LARGE1: variants seen among roughly 807,000 people sequenced by gnomAD.
LARGE1 encodes LARGE xylosyl- and glucuronyltransferase 1, also known as xylosyl- and glucuronyltransferase LARGE1.
LARGE1 carries 43 observed loss-of-function variants against 87.6 expected under a neutral mutation model. That is an observed-to-expected ratio of 0.49 (90% confidence interval 0.38 to 0.63). The LOEUF (loss-of-function observed/expected upper bound fraction) is 0.63, where lower values mean the gene tolerates loss of function less well. Ranked by LOEUF, LARGE1 falls within the 30% of genes least tolerant of loss-of-function variation. LARGE1 has a pLI of 0.00. For missense variants in LARGE1, 802 were observed against 1,000.2 expected, an observed-to-expected ratio of 0.80 and a Z score of 2.67; for synonymous variants, 434 against 394.6, an observed-to-expected ratio of 1.10 and a Z score of -1.18.
chr22:33,860,865 C>A (rs10854636), intron 1 of LARGE1, among the ~76,000 whole-genome samples: 1 of 152,028 alleles, frequency 6.6e-6, no homozygotes, highest in African/African-American at 2.4e-5. Flanking sequence ...ACGGGGAACA[C>A]CGTGGGCGCA....
At chr22:33,389,670 C>A (rs1028337962) in intron 7 of LARGE1, among the ~76,000 whole-genome samples, 19 of 152,126 alleles carry the variant, frequency 1.2e-4, no homozygotes, top group African/African-American at 4.6e-4. Flanking sequence ...CATGGAGAAA[C>A]CCTGTCTCTA....
the LARGE1 span, among the ~76,000 whole-genome samples, chr22:33,076,718 G>A: frequency 6.6e-6 from 1 of 152,134 alleles, no homozygotes; most frequent in African/African-American, 2.4e-5. Context: ...TTATCCATAT[G>A]TCTATAAACA....
chr22:33,186,935 C>T (rs1249175698), intron 11 of LARGE1, among the ~76,000 whole-genome samples: 2 of 152,046 alleles, frequency 1.3e-5, no homozygotes. Context: ...ATGTTCAAAG[C>T]CATCAGTTCA....
At chr22:33,126,650 A>G in the LARGE1 span, among the ~76,000 whole-genome samples, 43 of 152,348 alleles carry the variant, frequency 2.8e-4, no homozygotes, top group Non-Finnish European at 5.1e-4. Context: ...CAACTTTCAC[A>G]TCTATAAAAT....
intron 1 of LARGE1, among the ~76,000 whole-genome samples, chr22:33,919,335 G>A (rs1022202883): frequency 2.6e-5 from 4 of 152,150 alleles, no homozygotes; most frequent in African/African-American, 9.7e-5. Context: ...ATAACTTGAG[G>A]ATACACAAAC....
At chr22:33,590,138 G>A (rs1419392975) in intron 5 of LARGE1, among the ~76,000 whole-genome samples, 2 of 152,084 alleles carry the variant, frequency 1.3e-5, no homozygotes, top group African/African-American at 4.8e-5. Flanking sequence ...TTTGTTTTGT[G>A]CTTAGTATAT....
intron 6 of LARGE1, among the ~76,000 whole-genome samples, chr22:33,545,859 C>T (rs760980189): frequency 6.6e-6 from 1 of 152,212 alleles, no homozygotes; most frequent in Non-Finnish European, 1.5e-5. Context: ...GCTTGGATTA[C>T]AGGCGTGAGC....
chr22:33,131,356 A>G, the LARGE1 span, among the ~76,000 whole-genome samples: 1 of 151,840 alleles, frequency 6.6e-6, no homozygotes, highest in Non-Finnish European at 1.5e-5. Context: ...TTCCTTTTTT[A>G]ATGGCCCTTT....
Position 33,290,371 on chromosome 22 carries a change from G to A in LARGE1, c.1731-7023C>T, listed in dbSNP as rs78186670. 7.7e-3 allele frequency among the ~76,000 whole-genome samples: 1,178 copies of A among 152,264 alleles called. 16 individuals are homozygous for A. Among genetic ancestry groups the A allele is most frequent in the African/African-American group, 0.027 (1,122 of 41,548 alleles). On this transcript the variant is annotated intron_variant, in intron 12 of 14. Coordinates refer to ENST00000397394, the MANE Select transcript of LARGE1 (RefSeq NM_133642.5). ...TTCACATTCTAGAGGCAGGCTGCTC[G>A]GGTCTGCATCCTGGCTAACTACTTA...
intron 3 of LARGE1, among the ~76,000 whole-genome samples, chr22:33,637,037 C>A (rs758432161): frequency 6.6e-6 from 1 of 152,200 alleles, no homozygotes; most frequent in Non-Finnish European, 1.5e-5. Context: ...CTTCTTCTCT[C>A]ACTCTTTCCT....
intron 1 of LARGE1, among the ~76,000 whole-genome samples, chr22:33,785,372 C>G (rs1177300281): frequency 1.3e-5 from 2 of 152,010 alleles, no homozygotes; most frequent in Non-Finnish European, 2.9e-5. Flanking sequence ...TCAGATGTTA[C>G]ACAACTCATA....
chr22:33,304,380 G>T lies in LARGE1; in HGVS notation c.1579C>A (p.His527Asn). 1.2e-6 allele frequency: 2 copies of T among 1,614,260 alleles called. No homozygotes were observed. Among genetic ancestry groups the T allele is most frequent in the Non-Finnish European group, 1.7e-6 (2 of 1,180,050 alleles). The change falls in exon 12 of 15, where the codon CAC (histidine) becomes AAC (asparagine). Residue 527 changes from histidine to asparagine, a missense_variant. By Grantham distance (68) the His-to-Asn change is moderately conservative. Around this residue, in one of 2 missense-constraint regions of LARGE1, gnomAD observed 625 missense variants for 841.9 expected, o/e 0.74. Coordinates refer to ENST00000397394, the MANE Select transcript of LARGE1 (RefSeq NM_133642.5). The stretch of plus-strand genomic sequence containing the variant: ...TACACGATGTGGTAGCCCACGTTGT[G>T]GCGGCTCATAAGCACCTCAGAGCCC... ...AQGSEVLMSRHNVGYHIVYKE... is the reference protein window; with the variant it reads ...AQGSEVLMSRNNVGYHIVYKE...
intron 1 of LARGE1, among the ~76,000 whole-genome samples, chr22:33,775,862 A>AAC (rs1288309725): frequency 1.3e-5 from 2 of 151,518 alleles, no homozygotes; most frequent in Non-Finnish European, 2.9e-5. Flanking sequence ...AAAAAAAAAA[A>AAC]AAAAAAGACT....
chr22:33,239,443 C>T (rs1926399636), intron 11 of LARGE1, among the ~76,000 whole-genome samples: 1 of 151,808 alleles, frequency 6.6e-6, no homozygotes, highest in Non-Finnish European at 1.5e-5. Flanking sequence ...TTGCACTTTC[C>T]TGGTTATTAA....
chr22:33,701,032 C>A (rs375114156), intron 2 of LARGE1, among the ~76,000 whole-genome samples: 3 of 152,188 alleles, frequency 2.0e-5, no homozygotes, highest in South Asian at 4.2e-4. Context: ...TGTTAAAATG[C>A]GGGCTCTGAT....
At position 33,697,705 on chromosome 22, in the gene LARGE1, G is replaced by A. The variant is rs139278008; in HGVS notation, c.107-47037C>T. Reference sequence around the variant, plus strand: ...ATCTCTGTTCCTTCTTCTGCGGTGCGCTGCAGAGTCTTTCTCTCAACAATG... The same window carrying A: ...ATCTCTGTTCCTTCTTCTGCGGTGCACTGCAGAGTCTTTCTCTCAACAATG... On this transcript the variant is annotated intron_variant, in intron 2 of 14. Coordinates refer to ENST00000397394, the MANE Select transcript of LARGE1 (RefSeq NM_133642.5). 4.5e-4 allele frequency among the ~76,000 whole-genome samples: 68 copies of A among 152,244 alleles called. 2 individuals carry two copies. Among genetic ancestry groups the A allele is most frequent in the Middle Eastern group, 3.4e-3 (1 of 294 alleles).
In LARGE1 at chr22:33,337,733, G is replaced by C. The variant is rs1425290599; in HGVS notation, c.1200C>G (p.Leu400=). 6.2e-7 allele frequency: 1 copy of C among 1,614,188 alleles called. No homozygotes were observed. Among genetic ancestry groups the C allele is most frequent in the South Asian group, 1.1e-5 (1 of 91,074 alleles). The change falls in exon 10 of 15, where the codon CTC becomes CTG. Residue 400 remains leucine, a synonymous_variant. Transcript: ENST00000397394. ...CGTCATACTCCAGGAAGGTCAGGTAGAGGTTGCGAAAAAACTCCACATGCT... is the reference window on the plus strand; with the variant it reads ...CGTCATACTCCAGGAAGGTCAGGTACAGGTTGCGAAAAAACTCCACATGCT... ...KNKHVEFFRN[L]YLTFLEYDGN...
In LARGE1 at chr22:33,316,262, G is replaced by C. The variant is rs1045449200; in HGVS notation, c.1288-14C>G. 1.2e-6 allele frequency: 2 copies of C among 1,612,642 alleles called. No homozygotes were observed. The highest frequency in any genetic ancestry group is 3.3e-5 in the Admixed American group (2 of 60,018). On this transcript the variant is annotated splice_polypyrimidine_tract_variant and intron_variant, in intron 10 of 14. Coordinates refer to ENST00000397394, the MANE Select transcript of LARGE1 (RefSeq NM_133642.5). Reference sequence around the variant, plus strand: ...CTGCTTCTGGAGCTGCAGGGTAGGAGAGAGGGCTTGGGCACGTGAAGAAGA... The same window carrying C: ...CTGCTTCTGGAGCTGCAGGGTAGGACAGAGGGCTTGGGCACGTGAAGAAGA...
intron 7 of LARGE1, among the ~76,000 whole-genome samples, chr22:33,387,149 G>C (rs1251685444): frequency 1.4e-5 from 2 of 147,850 alleles, no homozygotes; most frequent in African/African-American, 4.9e-5. Context: ...GGGCGGGCAG[G>C]TGTGGTGGCT....
Sources: allele counts gnomAD v4.1 joint callset (sites outside exome capture counted in the v4.1 genomes callset), GRCh38; gene constraint gnomAD v4.1.1; regional missense constraint gnomAD v4.1.1; transcripts MANE v1.5; gene names NCBI Gene and HGNC (gene_info 2026-07-23, HGNC 2026-07-21).